Variants in CDH12 observed in about 807,000 individuals in gnomAD.
The protein encoded by CDH12 is cadherin 12.
CDH12 carries 41 observed loss-of-function variants against 74.1 expected under a neutral mutation model. That is an observed-to-expected ratio of 0.55 (90% CI 0.43 to 0.72). CDH12 has a LOEUF of 0.72. Ranked by LOEUF, CDH12 falls within the 30% of genes least tolerant of loss-of-function variation. CDH12 has a pLI of 0.00. For missense variants in CDH12, 945 were observed against 977.2 expected, an observed-to-expected ratio of 0.97 and a Z score of 0.44; for synonymous variants, 399 against 355.0, an observed-to-expected ratio of 1.12 and a Z score of -1.39.
chr5:22,600,067 A>G (rs1363807327), intron 1 of CDH12, among the ~76,000 whole-genome samples: 1 of 152,178 alleles, frequency 6.6e-6, no homozygotes, highest in Non-Finnish European at 1.5e-5. Context: ...TCTGGAGATA[A>G]ACACCTCCAG....
intron 1 of CDH12, among the ~76,000 whole-genome samples, chr5:22,521,285 T>C (rs549147804): frequency 5.3e-5 from 8 of 152,058 alleles, no homozygotes; most frequent in African/African-American, 1.9e-4. Flanking sequence ...GTAATATATA[T>C]GAATTGCATT....
At chr5:21,985,650 C>T (rs1176182035) in intron 5 of CDH12, among the ~76,000 whole-genome samples, 1 of 152,076 alleles carries the variant, frequency 6.6e-6, no homozygotes. Flanking sequence ...GTTTCTTTGT[C>T]TGAAATAATT....
intron 1 of CDH12, among the ~76,000 whole-genome samples, chr5:22,741,235 C>A (rs938965259): frequency 4.6e-5 from 7 of 152,144 alleles, no homozygotes; most frequent in African/African-American, 1.7e-4. Context: ...CCCACAAAAT[C>A]AGGTCCAGGG....
At chr5:22,399,762 T>C (rs1475038521) in intron 3 of CDH12, among the ~76,000 whole-genome samples, 2 of 151,724 alleles carry the variant, frequency 1.3e-5, no homozygotes, top group Non-Finnish European at 2.9e-5. Flanking sequence ...TTGAAATGTG[T>C]TACTTATTAC....
chr5:21,882,263 CG>C, intron 6 of CDH12, among the ~76,000 whole-genome samples: 1 of 152,214 alleles, frequency 6.6e-6, no homozygotes, highest in South Asian at 2.1e-4. Context: ...ATGTTTGTGA[CG>C]TATATTTAAT....
intron 5 of CDH12, among the ~76,000 whole-genome samples, chr5:22,072,233 C>T (rs552141827): frequency 1.3e-5 from 2 of 152,132 alleles, no homozygotes; most frequent in African/African-American, 2.4e-5. Flanking sequence ...AAGAATGCTA[C>T]TCATCTGGGT....
At chr5:22,745,480 C>T (rs188181065) in intron 1 of CDH12, among the ~76,000 whole-genome samples, 1 of 152,168 alleles carries the variant, frequency 6.6e-6, no homozygotes, top group East Asian at 1.9e-4. Flanking sequence ...ATGTTCATTG[C>T]AACGCTATTC....
chr5:22,573,489 A>G (rs1308098886), intron 1 of CDH12, among the ~76,000 whole-genome samples: 1 of 152,150 alleles, frequency 6.6e-6, no homozygotes, highest in East Asian at 1.9e-4. Context: ...AAAAGCACAC[A>G]CACAAAAAAT....
chr5:21,888,934 A>G (rs1272693781), intron 6 of CDH12, among the ~76,000 whole-genome samples: 2 of 152,058 alleles, frequency 1.3e-5, no homozygotes, highest in Non-Finnish European at 2.9e-5. Flanking sequence ...GCATGCTTGT[A>G]TATACAAATA....
intron 5 of CDH12, among the ~76,000 whole-genome samples, chr5:22,059,383 CTATCTATCTATG>C (rs1244920791): frequency 0.025 from 1,789 of 72,408 alleles, 26 homozygotes; most frequent in African/African-American, 0.1. Flanking sequence ...ATCTATCTAT[CTATCTATCTATG>C]TATCTACTTT....
chr5:22,241,663 A>G (rs996024451), intron 3 of CDH12, among the ~76,000 whole-genome samples: 1 of 152,102 alleles, frequency 6.6e-6, no homozygotes, highest in Non-Finnish European at 1.5e-5. Context: ...ATTCCTTGGT[A>G]TAGGAACAAT....
At chr5:22,582,308 A>C (rs1042475662) in intron 1 of CDH12, among the ~76,000 whole-genome samples, 1 of 152,214 alleles carries the variant, frequency 6.6e-6, no homozygotes, top group African/African-American at 2.4e-5. Context: ...CATCACCTGC[A>C]TGTGGCAATG....
At chr5:21,897,052 A>G (rs1413260218) in intron 6 of CDH12, among the ~76,000 whole-genome samples, 1 of 152,250 alleles carries the variant, frequency 6.6e-6, no homozygotes, top group Non-Finnish European at 1.5e-5. Flanking sequence ...GTTCATAAAG[A>G]TGAACATATA....
chr5:22,036,087 A>T (rs1317990336), intron 5 of CDH12, among the ~76,000 whole-genome samples: 1 of 152,144 alleles, frequency 6.6e-6, no homozygotes, highest in Non-Finnish European at 1.5e-5. Flanking sequence ...GAAAAAAAGC[A>T]CCTTAGATGG....
At chr5:22,756,310 C>A (rs2127045676) in intron 1 of CDH12, among the ~76,000 whole-genome samples, 1 of 152,058 alleles carries the variant, frequency 6.6e-6, no homozygotes, top group East Asian at 1.9e-4. Flanking sequence ...TTGTAACATT[C>A]AAAGATACAT....
At chr5:21,800,256 A>T (rs1747036509) in intron 10 of CDH12, among the ~76,000 whole-genome samples, 1 of 152,108 alleles carries the variant, frequency 6.6e-6, no homozygotes, top group South Asian at 2.1e-4. Context: ...TTGGATTTTA[A>T]TTAATATTAG....
rs1372642729 is a variant in CDH12 at position 21,945,456 on chromosome 5, AAAG to A, written c.526+29632_526+29634del. ...AAAAAAAAAAAAAAAAAAAAAAAAA[AAAG>A]AGGTTGGAATTATCTAACAAGGATT... is the stretch of plus-strand genomic sequence containing the variant. On this transcript the variant is annotated intron_variant, in intron 6 of 14. Transcript: ENST00000382254. Among the ~76,000 whole-genome samples, 61 of 142,388 alleles carry A rather than the reference AAAG, an allele frequency of 4.3e-4. 3 individuals carry two copies. The highest frequency in any genetic ancestry group is 1.6e-3 in the African/African-American group (58 of 35,434). The allele number at this position is 142,388 out of a possible 152,430, so 93.4% of individuals were successfully genotyped here.
chr5:22,319,790 T>C (rs994753632), intron 3 of CDH12, among the ~76,000 whole-genome samples: 1 of 149,114 alleles, frequency 6.7e-6, no homozygotes, highest in Non-Finnish European at 1.5e-5. Context: ...TCCTTTAGAG[T>C]GAGTGATGGA....
chr5:22,280,170 GTCT>G (rs1238669591), intron 3 of CDH12, among the ~76,000 whole-genome samples: 1 of 151,892 alleles, frequency 6.6e-6, no homozygotes, highest in Non-Finnish European at 1.5e-5. Context: ...CTGCATAAAT[GTCT>G]TCTTTTCAGA....
Sources: allele counts gnomAD v4.1 joint callset (sites outside exome capture counted in the v4.1 genomes callset), GRCh38; gene constraint gnomAD v4.1.1; transcripts MANE v1.5; gene names NCBI Gene and HGNC (gene_info 2026-07-23, HGNC 2026-07-21).